Variants in ANKRD42 observed in about 807,000 individuals in gnomAD.
The protein encoded by ANKRD42 is ankyrin repeat domain 42.
In ANKRD42, 43 loss-of-function variants were observed where a neutral mutation model predicts 51.5. The observed-to-expected ratio is 0.83, with a 90% CI of 0.65 to 1.08. ANKRD42 has a LOEUF of 1.08. Ranked by LOEUF, ANKRD42 falls within the 50% of genes least tolerant of loss-of-function variation. The pLI, the probability that ANKRD42 is intolerant of heterozygous loss-of-function variation, is 0.00. For missense variants in ANKRD42, 608 were observed against 629.3 expected (o/e 0.97, Z 0.36); for synonymous variants, 203 against 213.0 (o/e 0.95, Z 0.41).
chr11:83,249,924 G>T (rs974597946), downstream of ANKRD42, among the ~76,000 whole-genome samples: 1 of 152,024 alleles, frequency 6.6e-6, no homozygotes, highest in Non-Finnish European at 1.5e-5. Context: ...TCCTGAATTT[G>T]GTTTCTAGCA....
intron 8 of ANKRD42, among the ~76,000 whole-genome samples, chr11:83,237,085 T>C (rs1863245977): frequency 6.6e-6 from 1 of 152,208 alleles, no homozygotes; most frequent in African/African-American, 2.4e-5. Context: ...TTCATTCAGC[T>C]TCCCGTATAC....
chr11:83,244,150 T>A (rs1863475658), intron 9 of ANKRD42, among the ~76,000 whole-genome samples: 1 of 151,784 alleles, frequency 6.6e-6, no homozygotes, highest in African/African-American at 2.4e-5. Flanking sequence ...CCAGCTAATT[T>A]TTGTATTTTT....
chr11:83,202,266 A>G (rs936417877), intron 2 of ANKRD42, among the ~76,000 whole-genome samples: 2 of 151,580 alleles, frequency 1.3e-5, no homozygotes, highest in African/African-American at 4.8e-5. Flanking sequence ...CCCCTGTTGC[A>G]AAAGTCAGAT....
In ANKRD42 at chr11:83,212,742, A is replaced by G. The variant is rs879398170; in HGVS notation, c.586+1312A>G. The G allele has an allele frequency of 2.5e-5, 39 of 1,535,456 alleles. No homozygotes were observed. The South Asian group carries it at 4.5e-4, about 18-fold the overall frequency. On this transcript the variant is annotated intron_variant, in intron 5 of 10. Transcript: ENST00000533342. ...GGCACCTACCTACCTGCATGGCCTC[A>G]TCTTTCTATATCTTTACACTACTGT... is the stretch of plus-strand genomic sequence containing the variant.
downstream of ANKRD42, among the ~76,000 whole-genome samples, chr11:83,263,324 T>C (rs1268994077): frequency 6.6e-6 from 1 of 152,158 alleles, no homozygotes; most frequent in African/African-American, 2.4e-5. Context: ...GCATTTAAGT[T>C]TCTCTCTCAT....
downstream of ANKRD42, among the ~76,000 whole-genome samples, chr11:83,258,657 A>G (rs1321029315): frequency 2.6e-5 from 4 of 152,210 alleles, no homozygotes; most frequent in Admixed American, 2.0e-4. Flanking sequence ...CATATAGTCA[A>G]TGATAGCTAT....
At chr11:83,227,970 T>A (rs1436547149) in intron 7 of ANKRD42, 98 bp downstream of exon 7, 2 of 1,379,056 alleles carry the variant, frequency 1.5e-6, no homozygotes, top group African/African-American at 2.9e-5. Context: ...AACATGAAAC[T>A]TTTTTCTGAT....
downstream of ANKRD42, among the ~76,000 whole-genome samples, chr11:83,249,941 G>A (rs933248230): frequency 9.2e-5 from 14 of 152,118 alleles, no homozygotes; most frequent in African/African-American, 3.1e-4. Context: ...AGCACGCAGA[G>A]GTATTCACTA....
At chr11:83,255,573 A>G (rs752447031) in intron 11 of ANKRD42, among the ~76,000 whole-genome samples, 2 of 152,330 alleles carry the variant, frequency 1.3e-5, no homozygotes, top group Admixed American at 6.5e-5. Context: ...AAAATTGGCT[A>G]TATCTGACAA....
At chr11:83,225,456 T>C (rs1862849194) in intron 6 of ANKRD42, among the ~76,000 whole-genome samples, 1 of 151,846 alleles carries the variant, frequency 6.6e-6, no homozygotes, top group African/African-American at 2.4e-5. Flanking sequence ...TCCCAGCTAC[T>C]TGGGAGGCCG....
intron 9 of ANKRD42, among the ~76,000 whole-genome samples, chr11:83,245,246 A>G (rs1863509125): frequency 6.6e-6 from 1 of 152,242 alleles, no homozygotes; most frequent in South Asian, 2.1e-4. Flanking sequence ...TAGCGTTAAT[A>G]GTCATAACAA....
At chr11:83,244,649 G>A (rs1308118733) in intron 9 of ANKRD42, among the ~76,000 whole-genome samples, 1 of 152,078 alleles carries the variant, frequency 6.6e-6, no homozygotes, top group African/African-American at 2.4e-5. Flanking sequence ...TTATTCAGAG[G>A]TTGCCAAATG....
At chr11:83,263,526 T>A (rs189755657), downstream of ANKRD42, among the ~76,000 whole-genome samples, 10 of 152,352 alleles carry the variant, frequency 6.6e-5, no homozygotes, top group Admixed American at 4.6e-4. Flanking sequence ...CTGTAAACAT[T>A]AGCTTTCATT....
At position 83,238,652 on chromosome 11, in the gene ANKRD42, G is replaced by GTCTACTGTGTCTCCTA. The variant is rs1863293472; in HGVS notation, c.1020-2107_1020-2106insTCTACTGTGTCTCCTA. Among the ~76,000 whole-genome samples, 3 of 152,242 alleles carry GTCTACTGTGTCTCCTA rather than the reference G, an allele frequency of 2.0e-5. No individual in the cohort carries two copies. In the South Asian group the frequency reaches 6.2e-4, roughly 32 times the overall value. On this transcript the variant is annotated intron_variant, in intron 8 of 10. Coordinates refer to ENST00000533342, the MANE Select transcript of ANKRD42 (RefSeq NM_001300975.2). ...TTGAGATCAGGCTGACCAACATGGAGAAACCCTGTGTCTACTAAAAATACA... is the reference window on the plus strand; with the variant it reads ...TTGAGATCAGGCTGACCAACATGGAGTCTACTGTGTCTCCTAAAACCCTGTGTCTACTAAAAATACA...
At position 83,227,844 on chromosome 11, in the gene ANKRD42, T is replaced by C; in HGVS notation, c.885T>C (p.Ala295=). ...GAGTAATCAATATTAATGAGCGTGCTGATAATGGATCAACTCCTATGCATA... is the reference window on the plus strand; with the variant it reads ...GAGTAATCAATATTAATGAGCGTGCCGATAATGGATCAACTCCTATGCATA... The part of the protein sequence containing the change: ...EDGVININER[A]DNGSTPMHKA... The change falls in exon 7 of 11, where the codon GCT becomes GCC. Residue 295 remains alanine (A), a synonymous_variant. Transcript: ENST00000533342. 6.2e-7 allele frequency: 1 copy of C among 1,611,942 alleles called. No individual in the cohort carries two copies. Among genetic ancestry groups the C allele is most frequent in the Non-Finnish European group, 8.5e-7 (1 of 1,179,356 alleles).
chr11:83,244,939 C>G lies in ANKRD42; in HGVS notation c.1196-559C>G, dbSNP rs554620794. Among the ~76,000 whole-genome samples the G allele has an allele frequency of 1.3e-4, 20 of 151,940 alleles. 1 individual carries two copies. The highest frequency in any genetic ancestry group is 2.0e-4 in the Admixed American group (3 of 15,256). ...TTTTTTTTTGAGACGGAGTCTTGCT[C>G]TGTTGTCCAGGCTGGAGTGCAGTGA... On this transcript the variant is annotated intron_variant, in intron 9 of 10. Coordinates refer to ENST00000533342, the MANE Select transcript of ANKRD42 (RefSeq NM_001300975.2).
downstream of ANKRD42, among the ~76,000 whole-genome samples, chr11:83,253,299 G>T (rs1863706761): frequency 6.6e-6 from 1 of 152,146 alleles, no homozygotes; most frequent in Non-Finnish European, 1.5e-5. Context: ...CTTTTTTGGG[G>T]GAGAAGGGTT....
At chr11:83,209,658 A>G in intron 3 of ANKRD42, 1 of 797,648 alleles carries the variant, frequency 1.3e-6, no homozygotes, top group Non-Finnish European at 2.3e-6. Context: ...GCTGCTTTTC[A>G]GCCTCAAGCT....
chr11:83,197,737 A>C (rs1861714059), intron 1 of ANKRD42, among the ~76,000 whole-genome samples: 1 of 152,240 alleles, frequency 6.6e-6, no homozygotes, highest in Admixed American at 6.5e-5. Flanking sequence ...TTATTAATTA[A>C]ATTATAAAAT....
Sources: gnomAD v4.1 joint callset for allele counts (sites outside exome capture counted in the v4.1 genomes callset) on GRCh38, gnomAD v4.1.1 for gene constraint, MANE v1.5 for transcripts, NCBI Gene and HGNC (gene_info 2026-07-23, HGNC 2026-07-21) for gene names.